The following FRMD8 variants were observed in gnomAD, a reference collection of about 807,000 sequenced individuals.
FRMD8 encodes the protein FERM domain-containing protein 8.
A neutral mutation model predicts 54.2 loss-of-function variants in FRMD8; 37 were observed. The ratio of observed to expected loss-of-function variants is 0.68; its 90% CI spans 0.53 to 0.90. The LOEUF is 0.90. Ranked by LOEUF, FRMD8 falls within the 40% of genes least tolerant of loss-of-function variation. FRMD8 has a pLI of 0.00. For synonymous variants in FRMD8, 246 were observed against 286.9 expected (o/e 0.86, Z 1.44); for missense variants, 585 against 653.7 (o/e 0.89, Z 1.15).
intron 10 of FRMD8, among the ~76,000 whole-genome samples, chr11:65,408,600 G>A (rs1856260579): frequency 6.6e-6 from 1 of 151,686 alleles, no homozygotes; most frequent in Admixed American, 6.6e-5. Context: ...AAATGGCCTT[G>A]CTAATGTAAA....
chr11:65,382,055 C>A (rs145716200), upstream of FRMD8: 267 of 1,040,762 alleles, frequency 2.6e-4, no homozygotes, highest in Middle Eastern at 2.9e-3. The surrounding 1 kb of genome is among the most constrained non-coding windows in gnomAD (Gnocchi z 4.4). Context: ...TAATGTTTAA[C>A]CCTGGCGGGA....
the FRMD8 span, among the ~76,000 whole-genome samples, chr11:65,371,806 G>A: frequency 6.6e-6 from 1 of 152,240 alleles, no homozygotes; most frequent in South Asian, 2.1e-4. Flanking sequence ...AGTAGAGACG[G>A]CGTTTCACTG....
chr11:65,377,370 T>C, the FRMD8 span: 1 of 1,256,990 alleles, frequency 8.0e-7, no homozygotes, highest in Non-Finnish European at 1.0e-6. Context: ...GCCTGGATTC[T>C]TTTTGCAGGA....
rs112971211 is a variant in FRMD8 at position 65,394,141 on chromosome 11, T to C, written c.414+42T>C. ...GGTGGCCCCACCAGGCCTGGCCCCT[T>C]GTGCCCAGCCTCCCTGTCCCTAGAC... On this transcript the variant is annotated intron_variant, in intron 5 of 10. Transcript: ENST00000317568. The C allele has an allele frequency of 1.1e-5, 17 of 1,609,032 alleles. No individual in the cohort carries two copies. The East Asian group carries it at 1.8e-4, about 17-fold the overall frequency.
chr11:65,387,059 C>T lies in FRMD8; in HGVS notation c.23C>T (p.Ala8Val), dbSNP rs1262590172. MDGTEGSAGQPGPAERSH... is the reference protein window; with the variant it reads MDGTEGSVGQPGPAERSH... ...CAGATGGACGGGACAGAAGGCAGTG[C>T]CGGGCAGCCCGGCCCCGCTGAGCGA... The change falls in exon 2 of 11, where the codon GCC becomes GTC. Residue 8 changes from alanine (A) to valine (V), a missense_variant. Physicochemically the swap from Ala to Val is moderately conservative, Grantham distance 64. Coordinates refer to ENST00000317568, the MANE Select transcript of FRMD8 (RefSeq NM_031904.5). 1 of 1,609,242 alleles carries T rather than the reference C, an allele frequency of 6.2e-7. No individual in the cohort carries two copies. Among genetic ancestry groups the T allele is most frequent in the Non-Finnish European group, 8.5e-7 (1 of 1,180,000 alleles).
the FRMD8 span, chr11:65,381,590 C>T: frequency 1.1e-5 from 1 of 90,424 alleles, no homozygotes; most frequent in East Asian, 3.4e-4. Context: ...TTTTTTGTGG[C>T]AGGGTCTCAT....
chr11:65,377,405 A>C, the FRMD8 span: 2 of 1,179,134 alleles, frequency 1.7e-6, no homozygotes, highest in Non-Finnish European at 2.1e-6. Flanking sequence ...GGCCTCCCTA[A>C]AGCCGGCAGT....
intron 2 of FRMD8, among the ~76,000 whole-genome samples, chr11:65,388,780 A>T (rs1855781868): frequency 1.3e-5 from 2 of 152,182 alleles, no homozygotes; most frequent in South Asian, 4.1e-4. Flanking sequence ...TGAGACCTGG[A>T]ACTTGCTTTA....
chr11:65,399,760 T>G lies in FRMD8; in HGVS notation c.828T>G (p.Val276=), dbSNP rs763725020. The G allele has an allele frequency of 1.1e-5, 18 of 1,613,924 alleles. No individual in the cohort carries two copies. Among genetic ancestry groups the G allele is most frequent in the Non-Finnish European group, 1.4e-5 (17 of 1,179,968 alleles). The change falls in exon 8 of 11, where the codon GTT becomes GTG. Residue 276 remains valine (V), a synonymous_variant. Coordinates refer to ENST00000317568, the MANE Select transcript of FRMD8 (RefSeq NM_031904.5). ...GGTGTGCCTTCTTCCACGGTGAGGTTGACAAGCCGGCCCAAGGCTTTTTGC... is the reference window on the plus strand; with the variant it reads ...GGTGTGCCTTCTTCCACGGTGAGGTGGACAAGCCGGCCCAAGGCTTTTTGC... ...FYGCAFFHGE[V]DKPAQGFLHR... is the part of the protein sequence containing the mutation.
intron 3 of FRMD8, among the ~76,000 whole-genome samples, chr11:65,392,050 T>C (rs1855856703): frequency 6.6e-6 from 1 of 152,176 alleles, no homozygotes; most frequent in African/African-American, 2.4e-5. Context: ...TGGAGCCCTT[T>C]CTGGAGGGAG....
At chr11:65,382,086 C>CA, upstream of FRMD8, 1 of 792,968 alleles carries the variant, frequency 1.3e-6, no homozygotes, top group Non-Finnish European at 2.2e-6. This position sits in a 1 kb window ranked among gnomAD's most constrained non-coding sequence, Gnocchi z 4.4. Flanking sequence ...TGGCCTGGTG[C>CA]CCAGACCTCC....
At chr11:65,407,705 A>AT (rs774903222) in intron 10 of FRMD8, among the ~76,000 whole-genome samples, 6 of 151,764 alleles carry the variant, frequency 4.0e-5, no homozygotes, top group African/African-American at 4.8e-5. Flanking sequence ...CCTGGCTAAC[A>AT]GGTGAAACCC....
chr11:65,383,782 CA>C (rs78188392), upstream of FRMD8: 5,894 of 86,892 alleles, frequency 0.068, 437 homozygotes, highest in Non-Finnish European at 0.11. Flanking sequence ...AACAAACAAA[CA>C]AAAAAAAAAC....
At chr11:65,410,392 G>T (rs1565616724) in intron 10 of FRMD8, among the ~76,000 whole-genome samples, 1 of 152,098 alleles carries the variant, frequency 6.6e-6, no homozygotes. Flanking sequence ...CTACTCAGGA[G>T]GCTGAGGCAG....
At chr11:65,398,628 C>T (rs1856005381) in intron 7 of FRMD8, among the ~76,000 whole-genome samples, 1 of 152,206 alleles carries the variant, frequency 6.6e-6, no homozygotes, top group Non-Finnish European at 1.5e-5. Context: ...TGAGTGTGAC[C>T]AGCTGTCACA....
At chr11:65,410,794 CAA>C (rs2137953656) in intron 10 of FRMD8, among the ~76,000 whole-genome samples, 1 of 151,680 alleles carries the variant, frequency 6.6e-6, no homozygotes, top group African/African-American at 2.4e-5. Context: ...CGTCTCAAAA[CAA>C]ACAAAAAAAA....
chr11:65,407,937 G>A (rs1384834962), intron 10 of FRMD8, among the ~76,000 whole-genome samples: 8 of 151,770 alleles, frequency 5.3e-5, no homozygotes, highest in Admixed American at 4.6e-4. Context: ...GCAGCCATGC[G>A]CATGAGGAGG....
chr11:65,377,536 C>T, the FRMD8 span: 4 of 504,632 alleles, frequency 7.9e-6, no homozygotes, highest in African/African-American at 8.4e-5. Context: ...TTCTCCTGCG[C>T]CCACCTCTCA....
rs1426373725 is a variant in FRMD8, at chr11:65,396,682, C to T, written c.582-117C>T. The T allele has an allele frequency of 6.5e-6, 4 of 615,600 alleles. No individual in the cohort carries two copies. In the African/African-American group the frequency reaches 7.7e-5, roughly 12 times the overall value. 38.1% of individuals were successfully genotyped at this position (615,600 alleles called of 1,614,324 possible). ...CCCTTGTGGGCTCCTTACCCAGCCT[C>T]TGACTTGGAAGTAGATGTGTGTCTG... On this transcript the variant is annotated intron_variant, in intron 6 of 10. Coordinates refer to ENST00000317568, the MANE Select transcript of FRMD8 (RefSeq NM_031904.5).
Sources: allele counts gnomAD v4.1 joint callset (sites outside exome capture counted in the v4.1 genomes callset), GRCh38; gene constraint gnomAD v4.1.1; non-coding constraint Gnocchi (gnomAD v3.1); transcripts MANE v1.5; gene names NCBI Gene and HGNC (gene_info 2026-07-23, HGNC 2026-07-21).